Variants in HCLS1 observed in about 807,000 individuals in gnomAD.
HCLS1 encodes the protein hematopoietic cell-specific Lyn substrate 1, also known as hematopoietic lineage cell-specific protein.
In HCLS1, 44 loss-of-function variants were observed where a neutral mutation model predicts 68.6. That is an observed-to-expected ratio of 0.64 (90% confidence interval 0.50 to 0.82). The LOEUF (loss-of-function observed/expected upper bound fraction) is 0.82, where lower values mean the gene tolerates loss of function less well. HCLS1 is among the 40% of genes least tolerant of loss of function. HCLS1 has a pLI of 0.00. For missense variants in HCLS1, 602 were observed against 612.1 expected, an observed-to-expected ratio of 0.98 and a Z score of 0.17; for synonymous variants, 217 against 225.8, an observed-to-expected ratio of 0.96 and a Z score of 0.35.
chr3:121,644,542 T>C, intron 5 of HCLS1: 2 of 542,084 alleles, frequency 3.7e-6, no homozygotes, highest in Non-Finnish European at 7.0e-6. Context: ...TGCATATGAG[T>C]ATAATAAAAA....
In HCLS1 at chr3:121,634,274, G is replaced by A; in HGVS notation, c.836C>T (p.Pro279Leu). 6.2e-7 allele frequency: 1 copy of A among 1,614,196 alleles called. No homozygotes were observed. The highest frequency in any genetic ancestry group is 1.1e-5 in the South Asian group (1 of 91,082). The change falls in exon 10 of 14, where the codon CCA (proline) becomes CTA (leucine). Residue 279 changes from proline (P) to leucine (L), a missense_variant. By Grantham distance (98) the Pro-to-Leu change is moderately conservative. Transcript: ENST00000314583. ...KAVTKRSPEA[P>L]QPVIAMEEPA... ...CTCTTCCATAGCTATCACTGGCTGTGGAGCCTCAGGGCTCCTCTTTGTCAC... is the reference window on the plus strand; with the variant it reads ...CTCTTCCATAGCTATCACTGGCTGTAGAGCCTCAGGGCTCCTCTTTGTCAC...
At chr3:121,644,975 T>TA in intron 4 of HCLS1, 47 bp from the exon 5 acceptor site, 5 of 1,397,354 alleles carry the variant, frequency 3.6e-6, no homozygotes, top group Non-Finnish European at 5.1e-6. Context: ...AAAATGACCT[T>TA]AAAAAAATAA....
chr3:121,652,659 C>CA (rs760378199), intron 3 of HCLS1, among the ~76,000 whole-genome samples: 17 of 151,148 alleles, frequency 1.1e-4, no homozygotes, highest in Non-Finnish European at 2.2e-4. Flanking sequence ...AACTCCGTCT[C>CA]AAAAAAAACA....
chr3:121,646,287 A>G lies in HCLS1; in HGVS notation c.288+1032T>C, dbSNP rs1336790107. On this transcript the variant is annotated intron_variant, in intron 4 of 13. Transcript: ENST00000314583. Reference sequence around the variant, plus strand: ...AAATATATAATATATATTATATTTTATGTATTATATTTTATATACTTATAT... The same window carrying G: ...AAATATATAATATATATTATATTTTGTGTATTATATTTTATATACTTATAT... Among the ~76,000 whole-genome samples the G allele has an allele frequency of 5.2e-4, 56 of 107,944 alleles. No homozygotes were observed. In the East Asian group the frequency reaches 0.016, roughly 31 times the overall value. 70.8% of individuals were successfully genotyped at this position (107,944 alleles called of 152,430 possible). A position where few individuals can be genotyped will look rare whatever the true frequency, so the allele number is the denominator to read the frequency against.
At chr3:121,634,141 G>C (rs2049126429) in intron 10 of HCLS1, 66 bp downstream of exon 10, 2 of 1,602,004 alleles carry the variant, frequency 1.2e-6, no homozygotes, top group African/African-American at 1.3e-5. Flanking sequence ...CCAATGGTTT[G>C]GACCCCTTAG....
intron 8 of HCLS1, 113 bp downstream of exon 8, chr3:121,636,321 G>A (rs1414440673): frequency 1.2e-6 from 1 of 850,002 alleles, no homozygotes; most frequent in African/African-American, 1.7e-5. Context: ...GACAGGCTCT[G>A]TGTGCCCAGC....
chr3:121,654,586 A>G (rs540386449), intron 3 of HCLS1, among the ~76,000 whole-genome samples: 1 of 152,296 alleles, frequency 6.6e-6, no homozygotes, highest in East Asian at 1.9e-4. Context: ...GACCATTTGA[A>G]TTATTCACTG....
chr3:121,639,336 C>A (rs1482648057), intron 6 of HCLS1, among the ~76,000 whole-genome samples: 3 of 152,116 alleles, frequency 2.0e-5, no homozygotes, highest in Non-Finnish European at 2.9e-5. Flanking sequence ...AGTCTCAGTA[C>A]ATTTCAAAAG....
intron 3 of HCLS1, among the ~76,000 whole-genome samples, chr3:121,652,469 C>T (rs1172132372): frequency 6.6e-6 from 1 of 152,090 alleles, no homozygotes; most frequent in Admixed American, 6.5e-5. Context: ...GTCTGGCCAA[C>T]ATGGTTAAAC....
At chr3:121,647,145 C>T (rs7428192) in intron 4 of HCLS1, among the ~76,000 whole-genome samples, 174 bp downstream of exon 4, 1 of 151,648 alleles carries the variant, frequency 6.6e-6, no homozygotes, top group African/African-American at 2.4e-5. Flanking sequence ...CGACGCACGG[C>T]TAATTTTTTG....
chr3:121,634,228 C>A lies in HCLS1; in HGVS notation c.882G>T (p.Leu294=), dbSNP rs1315338137. 3 of 1,614,176 alleles carry A rather than the reference C, an allele frequency of 1.9e-6. No individual in the cohort carries two copies. In the Admixed American group the frequency reaches 5.0e-5, roughly 27 times the overall value. The change falls in exon 10 of 14, where the codon CTG becomes CTT. Residue 294 remains leucine, a synonymous_variant. Coordinates refer to ENST00000314583, the MANE Select transcript of HCLS1 (RefSeq NM_005335.6). ...TCACCTCTGAGGAGATTTTCTTGGG[C>A]AGTGGGGCCGGTACTGCTGGCTCTT... ...AMEEPAVPAP[L]PKKISSEAWP... is the part of the protein sequence containing the mutation.
intron 3 of HCLS1, among the ~76,000 whole-genome samples, chr3:121,651,325 T>C (rs1437235620): frequency 6.6e-6 from 1 of 152,182 alleles, no homozygotes; most frequent in Non-Finnish European, 1.5e-5. Context: ...AAAGAAGATA[T>C]ATGAAGATAT....
intron 3 of HCLS1, among the ~76,000 whole-genome samples, chr3:121,653,252 G>T (rs1295720955): frequency 6.6e-6 from 1 of 152,166 alleles, no homozygotes; most frequent in Non-Finnish European, 1.5e-5. Flanking sequence ...ATGTAGTCAG[G>T]TGTGGAATTT....
At chr3:121,637,326 G>C in intron 6 of HCLS1, 70 bp from the exon 7 acceptor site, 2 of 999,952 alleles carry the variant, frequency 2.0e-6, no homozygotes, top group Non-Finnish European at 3.2e-6. Context: ...CTGGAGAAGA[G>C]AGGTCAGCAG....
chr3:121,637,399 G>A (rs998642567), intron 6 of HCLS1, 143 bp from the exon 7 acceptor site: 2 of 609,818 alleles, frequency 3.3e-6, no homozygotes, highest in African/African-American at 3.7e-5. Flanking sequence ...GGGAATTAAA[G>A]AGAAGCCATG....
At position 121,631,831 on chromosome 3, in the gene HCLS1, G is replaced by C; in HGVS notation, c.*15C>G. The C allele has an allele frequency of 1.9e-6, 3 of 1,613,956 alleles. No homozygotes were observed. The highest frequency in any genetic ancestry group is 2.2e-5 in the South Asian group (2 of 91,052). ...GACATGGGAAATCACAGTTGCAGTA[G>C]ACAGTGAGCTCTAGTCACTCCAGAA... On this transcript the variant is annotated 3_prime_UTR_variant, in exon 14 of 14. Transcript: ENST00000314583.
rs369984427 is a variant in HCLS1, at chr3:121,635,691, G to A, written c.691+44C>T. ...AGTCTGGGGAAGAAAAAGAATGAGG[G>A]AGAAGGAAGTGAGGTGCATGGAGAG... On this transcript the variant is annotated intron_variant, in intron 9 of 13. Coordinates refer to ENST00000314583, the MANE Select transcript of HCLS1 (RefSeq NM_005335.6). The A allele has an allele frequency of 2.7e-6, 4 of 1,460,740 alleles. No homozygotes were observed. In the Admixed American group the frequency reaches 5.0e-5, roughly 18 times the overall value. The allele number at this position is 1,460,740 out of a possible 1,614,324, so 90.5% of individuals were successfully genotyped here. A position where few individuals can be genotyped will look rare whatever the true frequency, so the allele number is the denominator to read the frequency against.
intron 2 of HCLS1, among the ~76,000 whole-genome samples, chr3:121,657,558 G>A (rs1389325608): frequency 6.6e-6 from 1 of 152,188 alleles, no homozygotes; most frequent in Non-Finnish European, 1.5e-5. Context: ...GCTTATGCCT[G>A]TAATCCTAGC....
intron 10 of HCLS1, 31 bp from the exon 11 acceptor site, chr3:121,633,202 C>G: frequency 7.2e-7 from 1 of 1,384,662 alleles, no homozygotes; most frequent in South Asian, 1.3e-5. Context: ...CTCAAGTAAG[C>G]AAGCCTCCAT....
Sources: gnomAD v4.1 joint callset for allele counts (sites outside exome capture counted in the v4.1 genomes callset) on GRCh38, gnomAD v4.1.1 for gene constraint, MANE v1.5 for transcripts, NCBI Gene and HGNC (gene_info 2026-07-23, HGNC 2026-07-21) for gene names.